The following UBXN2A variants were observed in gnomAD, a reference collection of about 807,000 sequenced individuals.
UBXN2A encodes UBX domain protein 2A, also known as UBX domain-containing protein 2A.
A neutral mutation model predicts 28.4 loss-of-function variants in UBXN2A; 28 were observed. That is an observed-to-expected ratio of 0.99 (90% CI 0.73 to 1.35). The LOEUF (loss-of-function observed/expected upper bound fraction) is 1.35, where lower values mean the gene tolerates loss of function less well. Among genes scored for constraint, UBXN2A ranks in the 40% most tolerant of loss-of-function variants. UBXN2A has a pLI of 0.00. For synonymous variants in UBXN2A, 97 were observed against 103.6 expected (o/e 0.94, Z 0.39); for missense variants, 253 against 297.9 (o/e 0.85, Z 1.11).
intron 3 of UBXN2A, among the ~76,000 whole-genome samples, chr2:23,973,556 T>A (rs1411266572): frequency 2.0e-5 from 3 of 151,754 alleles, no homozygotes; most frequent in African/African-American, 7.3e-5. Flanking sequence ...GCCAGGATGG[T>A]TTCAATCTCC....
chr2:23,996,883 A>T (rs1708559063), intron 6 of UBXN2A: 1 of 151,090 alleles, frequency 6.6e-6, no homozygotes, highest in Admixed American at 6.6e-5. Context: ...AGGAGTTTTT[A>T]CTTGCTCAAT....
intron 6 of UBXN2A, among the ~76,000 whole-genome samples, chr2:23,994,088 A>G (rs1708447864): frequency 6.6e-6 from 1 of 152,210 alleles, no homozygotes; most frequent in Admixed American, 6.6e-5. Context: ...TAGAACTGTC[A>G]GGTTTTTCTA....
intron 1 of UBXN2A, among the ~76,000 whole-genome samples, chr2:23,945,219 G>A (rs1706009896): frequency 6.6e-6 from 1 of 152,232 alleles, no homozygotes; most frequent in South Asian, 2.1e-4. Context: ...CTGCCTAAGT[G>A]TCACCTTTCC....
chr2:23,995,115 T>C (rs1385264989), intron 6 of UBXN2A, among the ~76,000 whole-genome samples: 2 of 152,222 alleles, frequency 1.3e-5, no homozygotes, highest in Non-Finnish European at 2.9e-5. Flanking sequence ...CTTAAGAATT[T>C]GTTACGGTTT....
chr2:23,937,242 G>C (rs1485472920), upstream of UBXN2A, among the ~76,000 whole-genome samples: 1 of 152,100 alleles, frequency 6.6e-6, no homozygotes, highest in African/African-American at 2.4e-5. Context: ...ATCCACATTA[G>C]AAAGAAATAA....
intron 1 of UBXN2A, chr2:23,944,003 A>G (rs1214836809): frequency 2.0e-6 from 1 of 506,398 alleles, no homozygotes; most frequent in East Asian, 4.1e-5. Flanking sequence ...ACCGTCCCGT[A>G]TCTCCCCACG....
At chr2:23,944,591 C>CT (rs1214106753) in intron 1 of UBXN2A, among the ~76,000 whole-genome samples, 1 of 152,100 alleles carries the variant, frequency 6.6e-6, no homozygotes, top group Non-Finnish European at 1.5e-5. Flanking sequence ...TTGCCCACAG[C>CT]TTGCCTAATC....
At chr2:23,958,249 A>T (rs1456369513) in intron 1 of UBXN2A, 52 bp from the exon 2 acceptor site, 1 of 1,480,994 alleles carries the variant, frequency 6.8e-7, no homozygotes, top group African/African-American at 1.4e-5. Context: ...TAACTTACAT[A>T]TTAAGCTTTT....
chr2:23,946,887 ATT>A (rs34433205), intron 1 of UBXN2A, among the ~76,000 whole-genome samples: 53,571 of 131,736 alleles, frequency 0.41, 10,014 homozygotes, highest in East Asian at 0.72. Context: ...CAATTTATTA[ATT>A]TTTTTTTTTT....
chr2:23,957,983 C>T (rs994553752), intron 1 of UBXN2A, among the ~76,000 whole-genome samples: 2 of 152,242 alleles, frequency 1.3e-5, no homozygotes, highest in African/African-American at 4.8e-5. Context: ...AATTCCTTGG[C>T]TTCAGCAATC....
chr2:23,968,764 T>G (rs529483277), intron 2 of UBXN2A, among the ~76,000 whole-genome samples: 1 of 152,180 alleles, frequency 6.6e-6, no homozygotes, highest in South Asian at 2.1e-4. Flanking sequence ...ATAAAAGTAT[T>G]ATTTATAGAA....
At chr2:23,935,373 ACTC>A (rs1035743674) in intron 1 of UBXN2A, among the ~76,000 whole-genome samples, 49 of 152,038 alleles carry the variant, frequency 3.2e-4, no homozygotes, top group Admixed American at 2.9e-3. Context: ...AAACGCAAAA[ACTC>A]CTGTAACTCA....
intron 2 of UBXN2A, among the ~76,000 whole-genome samples, chr2:23,970,539 T>G (rs10865250): frequency 0.45 from 68,421 of 151,822 alleles, 16,329 homozygotes; most frequent in East Asian, 0.78. Flanking sequence ...GGGACTGGTT[T>G]TGTGGAAGAC....
chr2:23,997,637 G>A (rs113722462), intron 6 of UBXN2A, among the ~76,000 whole-genome samples: 107 of 150,658 alleles, frequency 7.1e-4, no homozygotes, highest in South Asian at 1.9e-3. Context: ...TAGTAGAGAC[G>A]GAATTTCACC....
intron 2 of UBXN2A, among the ~76,000 whole-genome samples, chr2:23,963,932 C>G (rs1707047678): frequency 6.6e-6 from 1 of 152,064 alleles, no homozygotes; most frequent in South Asian, 2.1e-4. Context: ...AGTTTGAAAC[C>G]AGCCTTGTTG....
intron 2 of UBXN2A, among the ~76,000 whole-genome samples, chr2:23,960,486 A>G (rs917130749): frequency 2.6e-5 from 4 of 152,208 alleles, no homozygotes; most frequent in Admixed American, 6.5e-5. Context: ...CACTTAAAAT[A>G]TATAGTTCAG....
At chr2:23,932,067 C>T (rs1705385654) in intron 1 of UBXN2A, among the ~76,000 whole-genome samples, 1 of 151,622 alleles carries the variant, frequency 6.6e-6, no homozygotes, top group African/African-American at 2.4e-5. Context: ...CGCCTGTAAT[C>T]CCAGAACTTT....
In UBXN2A at chr2:24,000,727, A is replaced by G. The variant is rs775548195; in HGVS notation, c.*860A>G. 2.0e-5 allele frequency: 3 copies of G among 152,166 alleles called. No individual in the cohort carries two copies. The highest frequency in any genetic ancestry group is 2.9e-5 in the Non-Finnish European group (2 of 68,040). The allele number at this position is 152,166 out of a possible 1,614,324, so 9.4% of individuals were successfully genotyped here. A position where few individuals can be genotyped will look rare whatever the true frequency, so the allele number is the denominator to read the frequency against. On this transcript the variant is annotated 3_prime_UTR_variant, in exon 7 of 7. Transcript: ENST00000309033. ...ATTTTTTTAATTTAAAAAATAAAAG[A>G]ATAAAATTGTGTAGCTCAGTATAGT...
intron 1 of UBXN2A, chr2:23,944,495 A>G (rs559926886): frequency 4.2e-5 from 26 of 619,562 alleles, no homozygotes; most frequent in South Asian, 4.2e-4. Context: ...GGAACAGTAC[A>G]GTACCTTGTA....
Sources: gnomAD v4.1 joint callset for allele counts (sites outside exome capture counted in the v4.1 genomes callset) on GRCh38, gnomAD v4.1.1 for gene constraint, MANE v1.5 for transcripts, NCBI Gene and HGNC (gene_info 2026-07-23, HGNC 2026-07-21) for gene names.